The following SH3RF1 variants were observed in gnomAD, a reference collection of about 807,000 sequenced individuals.
SH3RF1 encodes the protein SH3 domain containing ring finger 1.
SH3RF1 carries 32 observed loss-of-function variants against 74.0 expected under a neutral mutation model. The observed-to-expected ratio is 0.43, with a 90% confidence interval of 0.33 to 0.58. SH3RF1 has a LOEUF of 0.58. Ranked by LOEUF, SH3RF1 falls within the 20% of genes least tolerant of loss-of-function variation. The pLI is 0.05. For missense variants in SH3RF1, 954 were observed against 1,130.9 expected, an observed-to-expected ratio of 0.84 and a Z score of 2.24; for synonymous variants, 396 against 439.6, an observed-to-expected ratio of 0.90 and a Z score of 1.24.
At chr4:169,132,470 C>T (rs1733634441) in intron 5 of SH3RF1, among the ~76,000 whole-genome samples, 1 of 152,124 alleles carries the variant, frequency 6.6e-6, no homozygotes, top group African/African-American at 2.4e-5. Flanking sequence ...ACAGGGCTTT[C>T]CTAGCACTGC....
rs34108534 is a variant in SH3RF1, at chr4:169,212,057, C to CTTT, written c.394-55381_394-55379dup. On this transcript the variant is annotated intron_variant, in intron 2 of 11. Coordinates refer to ENST00000284637, the MANE Select transcript of SH3RF1 (RefSeq NM_020870.4). Reference sequence around the variant, plus strand: ...TTCTAATTTTTTTTTCTTTTCTTTTCTTTTTTTTTTTTTTTTTTTTTTTTG... The same window carrying CTTT: ...TTCTAATTTTTTTTTCTTTTCTTTTCTTTTTTTTTTTTTTTTTTTTTTTTTTTG... Among the ~76,000 whole-genome samples the CTTT allele has an allele frequency of 5.7e-3, 277 of 48,222 alleles. 1 individual carries two copies. Among genetic ancestry groups the CTTT allele is most frequent in the African/African-American group, 9.7e-3 (106 of 10,886 alleles). 31.6% of individuals were successfully genotyped at this position (48,222 alleles called of 152,430 possible).
intron 2 of SH3RF1, among the ~76,000 whole-genome samples, chr4:169,236,193 C>T (rs1037246052): frequency 2.0e-5 from 3 of 152,170 alleles, no homozygotes; most frequent in African/African-American, 4.8e-5. Context: ...CTGCCCTTTC[C>T]GACCTCCTTG....
intron 4 of SH3RF1, among the ~76,000 whole-genome samples, chr4:169,146,612 G>A (rs1280258250): frequency 6.6e-6 from 1 of 152,116 alleles, no homozygotes; most frequent in Non-Finnish European, 1.5e-5. Flanking sequence ...AAGTCAGTTC[G>A]TAGCAAACAG....
chr4:169,181,153 A>T (rs1734503722), intron 2 of SH3RF1, among the ~76,000 whole-genome samples: 1 of 150,724 alleles, frequency 6.6e-6, no homozygotes, highest in African/African-American at 2.5e-5. Flanking sequence ...TGTGTAATTT[A>T]TCCTGTTTTT....
Position 169,116,568 on chromosome 4 carries a change from C to A in SH3RF1, c.1840G>T (p.Ala614Ser). ...AVTPIQVQNA[A>S]GLSPASVGLS... Reference sequence around the variant, plus strand: ...CCCACAGATGCAGGGCTGAGGCCGGCGGCATTCTGTACCTGGATGGGTGTC... The same window carrying A: ...CCCACAGATGCAGGGCTGAGGCCGGAGGCATTCTGTACCTGGATGGGTGTC... Residue 614 changes from alanine to serine, a missense_variant, in exon 10 of 12, where the codon GCC becomes TCC. Transcript: ENST00000284637. The A allele has an allele frequency of 6.3e-7, 1 of 1,599,126 alleles. No individual in the cohort carries two copies. The highest frequency in any genetic ancestry group is 8.5e-7 in the Non-Finnish European group (1 of 1,171,530).
At chr4:169,105,064 C>T (rs1013866551) in intron 11 of SH3RF1, among the ~76,000 whole-genome samples, 2 of 152,064 alleles carry the variant, frequency 1.3e-5, no homozygotes, top group African/African-American at 2.4e-5. Context: ...ATACATATGG[C>T]TTCATCTGAA....
chr4:169,114,162 C>T (rs1007189708), intron 10 of SH3RF1, among the ~76,000 whole-genome samples: 6 of 152,162 alleles, frequency 3.9e-5, no homozygotes, highest in South Asian at 2.1e-4. Flanking sequence ...TGGTAAAAAT[C>T]GGGTCCTAAA....
chr4:169,212,791 C>T (rs1450480955), intron 2 of SH3RF1, among the ~76,000 whole-genome samples: 2 of 152,204 alleles, frequency 1.3e-5, no homozygotes. Flanking sequence ...TCACATGTAT[C>T]CACCATTACA....
chr4:169,141,666 C>A (rs1012024274), intron 4 of SH3RF1, among the ~76,000 whole-genome samples: 5 of 145,980 alleles, frequency 3.4e-5, no homozygotes, highest in African/African-American at 1.0e-4. Context: ...GAGACAGGGT[C>A]TCCCTCTGTC....
chr4:169,268,449 G>A (rs1273535505), intron 2 of SH3RF1, among the ~76,000 whole-genome samples: 1 of 152,112 alleles, frequency 6.6e-6, no homozygotes, highest in Non-Finnish European at 1.5e-5. Flanking sequence ...TACTACATAT[G>A]TACTACATAC....
intron 4 of SH3RF1, among the ~76,000 whole-genome samples, chr4:169,149,843 G>A (rs1449353288): frequency 2.6e-5 from 4 of 152,076 alleles, no homozygotes; most frequent in Admixed American, 1.3e-4. Context: ...GTGCCCTTCT[G>A]CTATCATTAT....
intron 2 of SH3RF1, among the ~76,000 whole-genome samples, chr4:169,210,764 A>G (rs1382443497): frequency 1.3e-5 from 2 of 152,212 alleles, no homozygotes; most frequent in Non-Finnish European, 2.9e-5. Context: ...TATTCAAATA[A>G]GGTTCAAAAC....
At chr4:169,254,098 A>C (rs1014596135) in intron 2 of SH3RF1, among the ~76,000 whole-genome samples, 4 of 152,260 alleles carry the variant, frequency 2.6e-5, no homozygotes, top group Non-Finnish European at 4.4e-5. Flanking sequence ...AATAGTGGGA[A>C]GATGAATGTG....
At chr4:169,229,482 A>G (rs1730700358) in intron 2 of SH3RF1, among the ~76,000 whole-genome samples, 1 of 152,108 alleles carries the variant, frequency 6.6e-6, no homozygotes, top group Admixed American at 6.5e-5. Context: ...ACCCAAAAAA[A>G]AAACCTATTC....
chr4:169,216,673 C>G (rs1228931829), intron 2 of SH3RF1, among the ~76,000 whole-genome samples: 1 of 152,122 alleles, frequency 6.6e-6, no homozygotes, highest in Non-Finnish European at 1.5e-5. Context: ...AGACCCCCAT[C>G]TCACTCAAAA....
chr4:169,219,472 C>T lies in SH3RF1; in HGVS notation c.393+49348G>A, dbSNP rs550878543. On this transcript the variant is annotated intron_variant, in intron 2 of 11. Transcript: ENST00000284637. ...ATTACTTTATTTTCAGGTTTTTCCT[C>T]CTAAAAGAAACTATTTCAAAGCTAT... is the stretch of plus-strand genomic sequence containing the variant. Among the ~76,000 whole-genome samples, 11 of 152,216 alleles carry T rather than the reference C, an allele frequency of 7.2e-5. No homozygotes were observed. In the South Asian group the frequency reaches 2.3e-3, roughly 32 times the overall value.
intron 2 of SH3RF1, among the ~76,000 whole-genome samples, chr4:169,239,058 T>C (rs1730862945): frequency 2.6e-5 from 4 of 151,888 alleles, no homozygotes; most frequent in South Asian, 4.2e-4. Flanking sequence ...ACAGTGCCGT[T>C]CTGGGTCAAT....
intron 4 of SH3RF1, among the ~76,000 whole-genome samples, chr4:169,144,399 T>C (rs1308241833): frequency 6.6e-6 from 1 of 152,232 alleles, no homozygotes; most frequent in African/African-American, 2.4e-5. Flanking sequence ...CAAAGACTTC[T>C]GTGTTGGGAA....
rs148078314 is a variant in SH3RF1, at chr4:169,249,268, G to A, written c.393+19552C>T. On this transcript the variant is annotated intron_variant, in intron 2 of 11. Transcript: ENST00000284637. The stretch of plus-strand genomic sequence containing the variant: ...AAAAAAAAAGAGGCAATTAGGCCAT[G>A]AGGGCTCCTCCCATGTGAATGTGAT... Among the ~76,000 whole-genome samples the A allele has an allele frequency of 7.6e-4, 116 of 152,266 alleles. 1 individual carries two copies. The highest frequency in any genetic ancestry group is 8.5e-4 in the Non-Finnish European group (58 of 68,016).
Sources: allele counts gnomAD v4.1 joint callset (sites outside exome capture counted in the v4.1 genomes callset), GRCh38; gene constraint gnomAD v4.1.1; transcripts MANE v1.5; gene names NCBI Gene and HGNC (gene_info 2026-07-23, HGNC 2026-07-21).